Variants in INPP5K observed in about 807,000 individuals in gnomAD.
INPP5K encodes the protein inositol polyphosphate-5-phosphatase K.
INPP5K carries 35 observed loss-of-function variants against 53.5 expected under a neutral mutation model. The observed-to-expected ratio is 0.65, with a 90% CI of 0.50 to 0.87. INPP5K has a LOEUF of 0.87. INPP5K is among the 40% of genes least tolerant of loss of function. INPP5K has a pLI of 0.00. For synonymous variants in INPP5K, 253 were observed against 232.8 expected, an observed-to-expected ratio of 1.09 and a Z score of -0.79; for missense variants, 550 against 586.2, an observed-to-expected ratio of 0.94 and a Z score of 0.64.
At chr17:1,508,524 CA>C (rs2075219653) in intron 5 of INPP5K, 1 of 397,528 alleles carries the variant, frequency 2.5e-6, no homozygotes, top group Admixed American at 4.0e-5. Context: ...CTGGTGACCT[CA>C]GGAGCCACAA....
At chr17:1,514,085 G>A (rs996718128) in intron 1 of INPP5K, 106 bp from the exon 2 acceptor site, 31 of 596,200 alleles carry the variant, frequency 5.2e-5, no homozygotes, top group African/African-American at 4.2e-4. Flanking sequence ...CACTTTGGGC[G>A]GCCGAGGTGG....
chr17:1,510,743 C>G (rs932382135), intron 3 of INPP5K, among the ~76,000 whole-genome samples: 4 of 152,190 alleles, frequency 2.6e-5, no homozygotes, highest in Non-Finnish European at 5.9e-5. Flanking sequence ...CCTCCCACCT[C>G]AGCCTCCTGA....
intron 7 of INPP5K, among the ~76,000 whole-genome samples, chr17:1,501,240 G>A (rs527894292): frequency 6.6e-6 from 1 of 152,346 alleles, no homozygotes; most frequent in African/African-American, 2.4e-5. Context: ...TTATAGGCGT[G>A]AGCCACCGTG....
At chr17:1,509,863 G>A in intron 3 of INPP5K, 64 bp from the exon 4 acceptor site, 2 of 977,754 alleles carry the variant, frequency 2.0e-6, no homozygotes, top group Non-Finnish European at 3.2e-6. Flanking sequence ...TCCCTTCCAA[G>A]CTCCGTGCTA....
intron 8 of INPP5K, 32 bp downstream of exon 8, chr17:1,497,904 T>A (rs2074900085): frequency 6.3e-7 from 1 of 1,585,582 alleles, no homozygotes; most frequent in Non-Finnish European, 8.6e-7. Flanking sequence ...TAGCTATTCC[T>A]CTGGCAAGTA....
At chr17:1,500,065 C>T (rs762521056) in intron 7 of INPP5K, among the ~76,000 whole-genome samples, 3 of 152,330 alleles carry the variant, frequency 2.0e-5, no homozygotes, top group South Asian at 2.1e-4. Flanking sequence ...CCCCCACCTC[C>T]GCCTCCTGAC....
At position 1,501,210 on chromosome 17, in the gene INPP5K, G is replaced by A. The variant is rs546540302; in HGVS notation, c.777-3088C>T. 4.9e-3 allele frequency among the ~76,000 whole-genome samples: 750 copies of A among 151,988 alleles called. 7 individuals carry two copies. Among genetic ancestry groups the A allele is most frequent in the Non-Finnish European group, 7.2e-3 (491 of 67,946 alleles). On this transcript the variant is annotated intron_variant, in intron 7 of 11. Coordinates refer to ENST00000421807, the MANE Select transcript of INPP5K (RefSeq NM_016532.4). ...CCTGACCTTGTGATCCGCCCGCCTC[G>A]GCCTCCCAAAGTGCTGGGATTATAG...
chr17:1,515,756 A>T, intron 1 of INPP5K: 1 of 600,430 alleles, frequency 1.7e-6, no homozygotes, highest in Non-Finnish European at 2.1e-6. Context: ...AAACAACACT[A>T]TACAGAAACC....
At chr17:1,496,579 T>C in intron 9 of INPP5K, 87 bp downstream of exon 9, 1 of 1,552,374 alleles carries the variant, frequency 6.4e-7, no homozygotes, top group Non-Finnish European at 8.9e-7. Flanking sequence ...GGTGAGTTCG[T>C]CAGCATCTGC....
chr17:1,516,108 T>C, intron 1 of INPP5K: 1 of 1,212,574 alleles, frequency 8.2e-7, no homozygotes, highest in Middle Eastern at 3.2e-4. Flanking sequence ...GCAGACCTCC[T>C]GATGTATGTG....
intron 7 of INPP5K, among the ~76,000 whole-genome samples, chr17:1,501,882 C>A (rs1028930624): frequency 3.9e-4 from 59 of 150,094 alleles, no homozygotes; most frequent in African/African-American, 1.1e-3. Context: ...CACACACACA[C>A]AAATTTGCCA....
chr17:1,496,731 T>A lies in INPP5K; in HGVS notation c.1036A>T (p.Met346Leu), dbSNP rs544360903. 24 of 1,614,078 alleles carry A rather than the reference T, an allele frequency of 1.5e-5. No homozygotes were observed. In the East Asian group the frequency reaches 3.6e-4, roughly 24 times the overall value. ...TCCGAGGTTGAAGAGTAGCTGACCA[T>A]CATGTCATTTTCCACGGTCCACAGG... ...EDLWTVENDM[M>L]VSYSSTSDFP... The change falls in exon 9 of 12, where the codon ATG becomes TTG. Residue 346 changes from methionine to leucine, a missense_variant. Coordinates refer to ENST00000421807, the MANE Select transcript of INPP5K (RefSeq NM_016532.4).
rs1360538325 is a variant in INPP5K at position 1,495,840 on chromosome 17, C to G, written c.1330G>C (p.Ala444Pro). ...GSLREDPLGE[A>P]QPQI Reference sequence around the variant, plus strand: ...ATCCTGGCTCAGATCTGTGGCTGTGCTTCACCCAGTGGGTCCTCCCTCAAG... The same window carrying G: ...ATCCTGGCTCAGATCTGTGGCTGTGGTTCACCCAGTGGGTCCTCCCTCAAG... Residue 444 changes from alanine to proline, a missense_variant, in exon 12 of 12, where the codon GCA (alanine) becomes CCA (proline). By Grantham distance (27) the Ala-to-Pro change is conservative. Coordinates refer to ENST00000421807, the MANE Select transcript of INPP5K (RefSeq NM_016532.4). 2 of 1,613,280 alleles carry G rather than the reference C, an allele frequency of 1.2e-6. No individual in the cohort carries two copies. The highest frequency in any genetic ancestry group is 1.7e-6 in the Non-Finnish European group (2 of 1,179,356).
chr17:1,508,306 A>C, intron 5 of INPP5K, 80 bp from the exon 6 acceptor site: 1 of 1,085,636 alleles, frequency 9.2e-7, no homozygotes, highest in Non-Finnish European at 1.4e-6. Context: ...CAGCCTGCTC[A>C]ACCCAAGGGC....
intron 1 of INPP5K, chr17:1,516,205 G>A: frequency 2.0e-6 from 2 of 981,932 alleles, no homozygotes; most frequent in Non-Finnish European, 2.8e-6. Context: ...ACCCCACACG[G>A]CTGTCCTCTC....
In INPP5K at chr17:1,495,689, T is replaced by A. The variant is rs1200201910; in HGVS notation, c.*134A>T. ...GCAAATGAGCCTGGTTAGAGCTCAC[T>A]CTGGGAGGAGTATGTGGACGACACT... is the stretch of plus-strand genomic sequence containing the variant. On this transcript the variant is annotated 3_prime_UTR_variant, in exon 12 of 12. Coordinates refer to ENST00000421807, the MANE Select transcript of INPP5K (RefSeq NM_016532.4). 2.6e-5 allele frequency: 17 copies of A among 652,090 alleles called. No individual in the cohort carries two copies. The Admixed American group carries it at 4.2e-4, about 16-fold the overall frequency. 40.4% of individuals were successfully genotyped at this position (652,090 alleles called of 1,614,324 possible).
intron 7 of INPP5K, among the ~76,000 whole-genome samples, chr17:1,503,637 G>C (rs1220088656): frequency 6.6e-6 from 1 of 152,058 alleles, no homozygotes; most frequent in African/African-American, 2.4e-5. Context: ...AGAATCACTT[G>C]AGCCCAGGAG....
At chr17:1,507,896 A>C (rs2075201226) in intron 6 of INPP5K, among the ~76,000 whole-genome samples, 1 of 151,982 alleles carries the variant, frequency 6.6e-6, no homozygotes, top group Non-Finnish European at 1.5e-5. Flanking sequence ...CTGACTCTCT[A>C]TTCTAAAGCA....
Position 1,496,326 on chromosome 17 carries a change from A to G in INPP5K, c.1178T>C (p.Leu393Pro). Residue 393 changes from leucine (L) to proline (P), a missense_variant, in exon 10 of 12, where the codon CTG (leucine) becomes CCG (proline). Physicochemically the swap from Leu to Pro is moderately conservative, Grantham distance 98 (BLOSUM62 -3). Transcript: ENST00000421807. ...CTGGTGCTGGTGACGTACCTGGTTC[A>G]GGTTGTCGCTGCAGGAGACCTTGCT... ...GDSKVSCSDN[L>P]NQVYIDISNI... 6.4e-7 allele frequency: 1 copy of G among 1,560,728 alleles called. No homozygotes were observed. Among genetic ancestry groups the G allele is most frequent in the Non-Finnish European group, 8.7e-7 (1 of 1,151,676 alleles).
Sources: gnomAD v4.1 joint callset for allele counts (sites outside exome capture counted in the v4.1 genomes callset) on GRCh38, gnomAD v4.1.1 for gene constraint, MANE v1.5 for transcripts, NCBI Gene and HGNC (gene_info 2026-07-23, HGNC 2026-07-21) for gene names.